Variants in NRXN3 observed in about 807,000 individuals in gnomAD.
NRXN3 encodes neurexin III.
Under a neutral mutation model 137.6 loss-of-function variants are expected in NRXN3, and 32 were observed. That is an observed-to-expected ratio of 0.23 (90% confidence interval 0.18 to 0.31). The LOEUF (loss-of-function observed/expected upper bound fraction) is 0.31, where lower values mean the gene tolerates loss of function less well. NRXN3 is among the 10% of genes least tolerant of loss of function. The pLI is 1.00. For synonymous variants in NRXN3, 798 were observed against 784.5 expected (o/e 1.02, Z -0.29); for missense variants, 1,574 against 2,062.5 (o/e 0.76, Z 4.59).
intron 15 of NRXN3, among the ~76,000 whole-genome samples, chr14:79,333,851 A>G (rs1434808731): frequency 6.6e-6 from 1 of 152,126 alleles, no homozygotes; most frequent in African/African-American, 2.4e-5. Flanking sequence ...TGAAATGATG[A>G]CGAGAAAATT....
At chr14:79,599,670 A>T (rs2097901487) in intron 16 of NRXN3, among the ~76,000 whole-genome samples, 1 of 152,218 alleles carries the variant, frequency 6.6e-6, no homozygotes, top group Non-Finnish European at 1.5e-5. Flanking sequence ...TGACCACTTT[A>T]TGTATATTTA....
In NRXN3 at chr14:79,477,945, A is replaced by T. The variant is rs376927625; in HGVS notation, c.3444+10543A>T. 3.3e-5 allele frequency among the ~76,000 whole-genome samples: 5 copies of T among 152,082 alleles called. No homozygotes were observed. The East Asian group carries it at 9.7e-4, about 29-fold the overall frequency. On this transcript the variant is annotated intron_variant, in intron 16 of 20. Transcript: ENST00000335750. ...ACAAAACAGGGGACAGATAAGTAAA[A>T]CAGATAAGAGTTTGACTTTAGTGAT...
chr14:79,241,927 C>T (rs530398141), intron 15 of NRXN3, among the ~76,000 whole-genome samples: 26 of 151,958 alleles, frequency 1.7e-4, no homozygotes, highest in African/African-American at 4.8e-4. Context: ...ATTATCCAGG[C>T]GTGGTGGCAG....
At chr14:79,060,543 T>A (rs529189830) in intron 15 of NRXN3, among the ~76,000 whole-genome samples, 1 of 150,876 alleles carries the variant, frequency 6.6e-6, no homozygotes, top group East Asian at 1.9e-4. Flanking sequence ...AATACTCTAG[T>A]TTTTTTTTAG....
intron 15 of NRXN3, among the ~76,000 whole-genome samples, chr14:79,167,936 G>GTTTTTT (rs59584874): frequency 1.4e-3 from 181 of 133,902 alleles, no homozygotes; most frequent in African/African-American, 4.7e-3. Context: ...TTCTTTCCTT[G>GTTTTTT]TTTTTTTTTT....
intron 4 of NRXN3, among the ~76,000 whole-genome samples, chr14:78,449,884 C>T (rs967278038): frequency 3.9e-5 from 6 of 152,160 alleles, no homozygotes; most frequent in Admixed American, 1.3e-4. Flanking sequence ...TAATATCTCT[C>T]GATTCTCAAT....
chr14:79,132,965 C>T (rs546217519), intron 15 of NRXN3, among the ~76,000 whole-genome samples: 48 of 152,146 alleles, frequency 3.2e-4, no homozygotes, highest in Non-Finnish European at 5.1e-4. Context: ...TCATTGAATG[C>T]GGGTCACTCT....
rs78090122 is a variant in NRXN3 at position 78,652,248 on chromosome 14, T to G, written c.1221+922T>G. On this transcript the variant is annotated intron_variant, in intron 6 of 20. Coordinates refer to ENST00000335750, the MANE Select transcript of NRXN3 (RefSeq NM_001330195.2). ...CAGAAGACTGGTTTTTTCCTTTGCT[T>G]CTTCTTCTTCCCTGAGAGCTAGTAG... is the stretch of plus-strand genomic sequence containing the variant. 1.1e-3 allele frequency among the ~76,000 whole-genome samples: 170 copies of G among 152,328 alleles called. 1 individual carries two copies. In the East Asian group the frequency reaches 0.029, roughly 26 times the overall value.
At chr14:78,302,499 C>G (rs997418486) in intron 4 of NRXN3, among the ~76,000 whole-genome samples, 3 of 152,144 alleles carry the variant, frequency 2.0e-5, no homozygotes, top group Admixed American at 2.0e-4. Context: ...GCCCCTAACC[C>G]CTACTCTATA....
At chr14:79,236,789 C>A (rs2073438911) in intron 15 of NRXN3, among the ~76,000 whole-genome samples, 1 of 152,060 alleles carries the variant, frequency 6.6e-6, no homozygotes, top group Non-Finnish European at 1.5e-5. Context: ...GTGGCACACG[C>A]ATGTAGTTCC....
At chr14:79,526,354 C>T (rs1170889412) in intron 16 of NRXN3, among the ~76,000 whole-genome samples, 1 of 152,032 alleles carries the variant, frequency 6.6e-6, no homozygotes, top group Non-Finnish European at 1.5e-5. Context: ...CCCATATCCA[C>T]CTAATTTAAA....
intron 6 of NRXN3, among the ~76,000 whole-genome samples, chr14:78,690,935 C>T (rs1265452818): frequency 6.6e-6 from 1 of 152,062 alleles, no homozygotes; most frequent in Non-Finnish European, 1.5e-5. Flanking sequence ...AGTGAAATTA[C>T]CAAGACACCG....
chr14:79,667,550 T>C (rs1051806844), intron 17 of NRXN3, among the ~76,000 whole-genome samples: 2 of 152,050 alleles, frequency 1.3e-5, no homozygotes, highest in Non-Finnish European at 2.9e-5. Flanking sequence ...CACTGGCTCT[T>C]TCTTTGTGAA....
At chr14:78,489,483 CACA>C (rs2153747996) in intron 4 of NRXN3, among the ~76,000 whole-genome samples, 1 of 152,066 alleles carries the variant, frequency 6.6e-6, no homozygotes, top group East Asian at 1.9e-4. Context: ...GCTAGGGACG[CACA>C]CACAGAGGAT....
intron 10 of NRXN3, among the ~76,000 whole-genome samples, chr14:78,905,459 A>T (rs747141543): frequency 6.6e-6 from 1 of 151,850 alleles, no homozygotes; most frequent in Non-Finnish European, 1.5e-5. Context: ...TGATATCATA[A>T]CTTTTTTGAA....
intron 10 of NRXN3, among the ~76,000 whole-genome samples, chr14:78,815,612 G>A (rs933843642): frequency 2.1e-5 from 3 of 145,620 alleles, no homozygotes; most frequent in African/African-American, 7.5e-5. Context: ...GCATAGTTTA[G>A]TGAGCTGCAG....
intron 16 of NRXN3, among the ~76,000 whole-genome samples, chr14:79,509,448 G>A (rs780993373): frequency 4.0e-5 from 6 of 151,756 alleles, no homozygotes; most frequent in African/African-American, 1.2e-4. Flanking sequence ...CTCAGGAGGC[G>A]GAGGCTGCAG....
At chr14:79,669,569 G>T (rs566452105) in intron 17 of NRXN3, among the ~76,000 whole-genome samples, 8 of 152,186 alleles carry the variant, frequency 5.3e-5, no homozygotes, top group Admixed American at 4.6e-4. Context: ...TGTTTTAAAA[G>T]AATGTTTTCA....
At chr14:79,680,854 G>A (rs77151903) in intron 17 of NRXN3, among the ~76,000 whole-genome samples, 546 of 152,202 alleles carry the variant, frequency 3.6e-3, no homozygotes, top group Non-Finnish European at 5.7e-3. Flanking sequence ...AAGAGTGATA[G>A]AAGGAGGTCA....
Sources: gnomAD v4.1 joint callset for allele counts (sites outside exome capture counted in the v4.1 genomes callset) on GRCh38, gnomAD v4.1.1 for gene constraint, MANE v1.5 for transcripts, NCBI Gene and HGNC (gene_info 2026-07-23, HGNC 2026-07-21) for gene names.